Variants in ZNF215 observed in about 807,000 individuals in gnomAD.
ZNF215 encodes BWSCR2-associated zinc finger protein 2.
ZNF215 carries 24 observed loss-of-function variants against 27.2 expected under a neutral mutation model. The observed-to-expected ratio is 0.88, with a 90% CI of 0.64 to 1.24. ZNF215 has a LOEUF of 1.24. Ranked by LOEUF, ZNF215 falls within the 50% of genes most tolerant of loss-of-function variation. ZNF215 has a pLI of 0.00. For missense variants in ZNF215, 675 were observed against 605.7 expected (o/e 1.11, Z -1.20); for synonymous variants, 210 against 204.0 (o/e 1.03, Z -0.25).
At chr11:6,934,154 C>T (rs1312289216) in intron 3 of ZNF215, among the ~76,000 whole-genome samples, 1 of 152,072 alleles carries the variant, frequency 6.6e-6, no homozygotes, top group Non-Finnish European at 1.5e-5. Flanking sequence ...GCTTGATAAG[C>T]AGCCTGGAAA....
At chr11:6,950,545 G>T (rs548895588) in intron 6 of ZNF215, among the ~76,000 whole-genome samples, 4 of 151,740 alleles carry the variant, frequency 2.6e-5, no homozygotes, top group South Asian at 4.2e-4. Context: ...TCTGTTATTG[G>T]TGTATAAGAA....
intron 5 of ZNF215, among the ~76,000 whole-genome samples, chr11:6,967,144 C>T (rs1850638022): frequency 6.6e-6 from 1 of 152,138 alleles, no homozygotes; most frequent in South Asian, 2.1e-4. Context: ...ATAAACTCAT[C>T]CTTTTTTATG....
intron 5 of ZNF215, among the ~76,000 whole-genome samples, chr11:6,981,975 G>T (rs908006917): frequency 1.7e-4 from 26 of 152,122 alleles, no homozygotes; most frequent in Middle Eastern, 3.4e-3. Flanking sequence ...GATATCTCTG[G>T]TTTGGTACCA....
intron 5 of ZNF215, among the ~76,000 whole-genome samples, chr11:6,972,930 A>C (rs1850747485): frequency 6.6e-6 from 1 of 151,860 alleles, no homozygotes; most frequent in South Asian, 2.1e-4. Flanking sequence ...ATTATACTTT[A>C]AGTTCTAGGG....
intron 5 of ZNF215, among the ~76,000 whole-genome samples, chr11:6,965,598 G>C (rs1026482006): frequency 6.6e-6 from 1 of 152,102 alleles, no homozygotes; most frequent in African/African-American, 2.4e-5. Flanking sequence ...TCAGTCTTCT[G>C]TAGGTTTCAG....
At chr11:6,938,215 A>G (rs1179618674) in intron 3 of ZNF215, among the ~76,000 whole-genome samples, 2 of 152,060 alleles carry the variant, frequency 1.3e-5, no homozygotes, top group Non-Finnish European at 2.9e-5. Flanking sequence ...AAGATATACA[A>G]ATGGCCAAAA....
intron 5 of ZNF215, among the ~76,000 whole-genome samples, chr11:6,963,478 T>C (rs1414469539): frequency 6.6e-6 from 1 of 152,124 alleles, no homozygotes; most frequent in Non-Finnish European, 1.5e-5. Flanking sequence ...TCTTCACATA[T>C]ATGTGTTATT....
chr11:6,975,544 A>C (rs1850815139), intron 5 of ZNF215, among the ~76,000 whole-genome samples: 1 of 151,916 alleles, frequency 6.6e-6, no homozygotes, highest in South Asian at 2.1e-4. Context: ...GCCTCTGATA[A>C]CCATTCTTCT....
At chr11:6,990,075 A>G (rs1851100378), downstream of ZNF215, among the ~76,000 whole-genome samples, 1 of 152,124 alleles carries the variant, frequency 6.6e-6, no homozygotes, top group Non-Finnish European at 1.5e-5. Context: ...ATGCTTATAA[A>G]ACCCAACCCT....
At position 6,957,267 on chromosome 11, in the gene ZNF215, CTGTG is replaced by C; in HGVS notation, c.*739_*742del. 1 of 878,178 alleles carries C rather than the reference CTGTG, an allele frequency of 1.1e-6. No individual in the cohort carries two copies. The highest frequency in any genetic ancestry group is 5.3e-5 in the South Asian group (1 of 19,018). The allele number at this position is 878,178 out of a possible 1,614,324, so 54.4% of individuals were successfully genotyped here. ...AAATATCGATTCCCAGCCAGGGACA[CTGTG>C]TGGAGTTCGCACACTCTCCCTATGT... On this transcript the variant is annotated 3_prime_UTR_variant, in exon 7 of 7. Transcript: ENST00000278319.
At chr11:6,969,483 C>T (rs1178856853) in intron 5 of ZNF215, among the ~76,000 whole-genome samples, 3 of 151,632 alleles carry the variant, frequency 2.0e-5, no homozygotes, top group Non-Finnish European at 4.4e-5. Flanking sequence ...AAATTTTCAA[C>T]CTATGTGTAC....
At chr11:6,941,689 G>A in intron 4 of ZNF215, 36 bp downstream of exon 4, 1 of 1,605,270 alleles carries the variant, frequency 6.2e-7, no homozygotes, top group Non-Finnish European at 8.5e-7. Context: ...GAACACATAT[G>A]CTCATTTTTA....
intron 5 of ZNF215, among the ~76,000 whole-genome samples, chr11:6,971,436 C>G (rs960582489): frequency 6.6e-6 from 1 of 152,058 alleles, no homozygotes; most frequent in African/African-American, 2.4e-5. Context: ...ATGCCTTCTC[C>G]TCTATCTCCC....
At chr11:6,988,215 G>A (rs1460495785), downstream of ZNF215, 1 of 985,330 alleles carries the variant, frequency 1.0e-6, no homozygotes, top group African/African-American at 1.7e-5. Context: ...CACATCGATA[G>A]GGAGAACACA....
chr11:6,937,074 A>T (rs2133185431), intron 3 of ZNF215, among the ~76,000 whole-genome samples: 1 of 152,140 alleles, frequency 6.6e-6, no homozygotes, highest in East Asian at 1.9e-4. Context: ...TAAACGTTCT[A>T]GCTAGTGCAA....
intron 5 of ZNF215, among the ~76,000 whole-genome samples, chr11:6,983,085 G>A (rs10839673): frequency 0.31 from 47,454 of 150,912 alleles, 7,749 homozygotes; most frequent in African/African-American, 0.38. Context: ...TATCACCACC[G>A]ATTCCACAGA....
downstream of ZNF215, chr11:6,988,328 A>G: frequency 1.1e-6 from 1 of 890,654 alleles, no homozygotes; most frequent in Non-Finnish European, 1.3e-6. Context: ...AAAGTAAGCC[A>G]CTCTCATTTG....
At chr11:6,980,397 A>C (rs539752506) in intron 5 of ZNF215, among the ~76,000 whole-genome samples, 1 of 152,212 alleles carries the variant, frequency 6.6e-6, no homozygotes, top group African/African-American at 2.4e-5. Flanking sequence ...AAAGTCTACA[A>C]TACTAAATTC....
intron 2 of ZNF215, among the ~76,000 whole-genome samples, chr11:6,930,781 A>G (rs1849228034): frequency 6.6e-6 from 1 of 152,228 alleles, no homozygotes; most frequent in African/African-American, 2.4e-5. Context: ...TCCATTTTAC[A>G]GTTGAGAATG....
Sources: allele counts gnomAD v4.1 joint callset (sites outside exome capture counted in the v4.1 genomes callset), GRCh38; gene constraint gnomAD v4.1.1; transcripts MANE v1.5; gene names NCBI Gene and HGNC (gene_info 2026-07-23, HGNC 2026-07-21).